NOP9: variants seen among roughly 807,000 people sequenced by gnomAD.
NOP9 encodes the protein NOP9 nucleolar protein, also known as nucleolar protein 9.
In NOP9, 50 loss-of-function variants were observed where a neutral mutation model predicts 63.0. The observed-to-expected ratio is 0.79, with a 90% CI of 0.63 to 1.00. The LOEUF is 1.00. Among genes scored for constraint, NOP9 ranks in the 50% least tolerant of loss-of-function variants. The pLI is 0.00. For missense variants in NOP9, 758 were observed against 803.0 expected (o/e 0.94, Z 0.68); for synonymous variants, 343 against 332.8 (o/e 1.03, Z -0.33).
the NOP9 span, chr14:24,291,574 C>A: frequency 6.2e-7 from 1 of 1,614,266 alleles, no homozygotes; most frequent in Non-Finnish European, 8.5e-7. Flanking sequence ...AAAGCCACCA[C>A]ACATTTGCCA....
At position 24,300,011 on chromosome 14, in the gene NOP9, C is replaced by G. The variant is rs1157673733; in HGVS notation, c.57C>G (p.Gly19=). 3 of 1,600,922 alleles carry G rather than the reference C, an allele frequency of 1.9e-6. No individual in the cohort carries two copies. The highest frequency in any genetic ancestry group is 2.6e-6 in the Non-Finnish European group (3 of 1,173,032). Residue 19 remains glycine, a synonymous_variant, in exon 1 of 10, where the codon GGC becomes GGG. Transcript: ENST00000267425. ...HKVGRRFPAG[G]KRGRGAKGSG... ...TGGGGCGCCGGTTCCCAGCTGGTGGCAAACGGGGGCGCGGGGCCAAGGGGT... is the reference window on the plus strand; with the variant it reads ...TGGGGCGCCGGTTCCCAGCTGGTGGGAAACGGGGGCGCGGGGCCAAGGGGT...
intron 3 of NOP9, 89 bp from the exon 4 acceptor site, chr14:24,301,876 G>A (rs1192949261): frequency 1.4e-6 from 2 of 1,475,580 alleles, no homozygotes; most frequent in Non-Finnish European, 1.9e-6. Context: ...TGTGTCCATA[G>A]TGCCCTGTAT....
rs1476476175 is a variant in NOP9, at chr14:24,300,823, T to A, written c.663T>A (p.Ser221=). 1 of 1,613,940 alleles carries A rather than the reference T, an allele frequency of 6.2e-7. No individual in the cohort carries two copies. The highest frequency in any genetic ancestry group is 2.2e-5 in the East Asian group (1 of 44,886). Residue 221 remains serine (S), a synonymous_variant, in exon 2 of 10, where the codon TCT becomes TCA. Coordinates refer to ENST00000267425, the MANE Select transcript of NOP9 (RefSeq NM_174913.3). The part of the protein sequence containing the change: ...LQVLGGTILE[S]ERARPRGSQS... The stretch of plus-strand genomic sequence containing the variant: ...TGTTAGGAGGGACTATTCTGGAGTC[T>A]GAGAGAGCCAGGCCCCGTGGTTCCC...
Position 24,307,687 on chromosome 14 carries a change from G to A in NOP9, c.*2592G>A, listed in dbSNP as rs2041561892. On this transcript the variant is annotated 3_prime_UTR_variant, in exon 10 of 10. Transcript: ENST00000267425. ...GTGGGGGCGGGTGGCTCAGGAGCTT[G>A]ACAAGCCCACTGTGGAGTGGGGAGC... 7.9e-7 allele frequency: 1 copy of A among 1,269,300 alleles called. No homozygotes were observed. The highest frequency in any genetic ancestry group is 1.3e-5 in the South Asian group (1 of 76,420). 78.6% of individuals were successfully genotyped at this position (1,269,300 alleles called of 1,614,324 possible). A position where few individuals can be genotyped will look rare whatever the true frequency, so the allele number is the denominator to read the frequency against.
chr14:24,299,818 G>A (rs1296947322), upstream of NOP9: 3 of 1,162,050 alleles, frequency 2.6e-6, no homozygotes, highest in East Asian at 2.6e-5. Flanking sequence ...GGGCGGCGCG[G>A]AACTATGACG....
chr14:24,305,887 C>T lies in NOP9; in HGVS notation c.*792C>T, dbSNP rs1480192129. 1.2e-5 allele frequency: 19 copies of T among 1,584,206 alleles called. No homozygotes were observed. The highest frequency in any genetic ancestry group is 1.0e-4 in the South Asian group (9 of 86,464). ...CTAGGGGTAGGTGGGTGCAAGAGGA[C>T]GAATTATGGGGACTATCCAACTGTA... On this transcript the variant is annotated 3_prime_UTR_variant, in exon 10 of 10. Transcript: ENST00000267425.
chr14:24,279,575 C>T, the NOP9 span, among the ~76,000 whole-genome samples: 2 of 152,148 alleles, frequency 1.3e-5, no homozygotes, highest in East Asian at 1.9e-4. Context: ...CTCAGGTTGG[C>T]GTCTCTTGGG....
the NOP9 span, chr14:24,291,355 GA>G: frequency 1.8e-6 from 2 of 1,128,270 alleles, no homozygotes; most frequent in Non-Finnish European, 2.7e-6. Context: ...TTGGGCCTTG[GA>G]CTTTTTCCAC....
At chr14:24,304,408 T>C (rs2041438720) in intron 8 of NOP9, 85 bp from the exon 9 acceptor site, 2 of 1,373,150 alleles carry the variant, frequency 1.5e-6, no homozygotes, top group Non-Finnish European at 2.0e-6. Context: ...GCCCTTAAAC[T>C]CTTCAGAAAA....
the NOP9 span, chr14:24,292,214 C>T: frequency 6.2e-7 from 1 of 1,614,196 alleles, no homozygotes; most frequent in South Asian, 1.1e-5. Context: ...GCAGGACCTC[C>T]TCCTTTGCCA....
chr14:24,301,879 C>A, intron 3 of NOP9, 86 bp from the exon 4 acceptor site: 2 of 1,477,354 alleles, frequency 1.4e-6, no homozygotes, highest in Admixed American at 1.8e-5. Flanking sequence ...GTCCATAGTG[C>A]CCTGTATCTT....
At chr14:24,292,111 A>G in the NOP9 span, 1 of 1,582,466 alleles carries the variant, frequency 6.3e-7, no homozygotes, top group African/African-American at 1.3e-5. Flanking sequence ...GAGTGGGAGT[A>G]TCTGATCTTG....
chr14:24,292,207 G>A, the NOP9 span: 2 of 1,613,992 alleles, frequency 1.2e-6, no homozygotes, highest in African/African-American at 2.7e-5. Context: ...GGATCCTGCA[G>A]GACCTCCTCC....
At chr14:24,274,723 C>T in the NOP9 span, among the ~76,000 whole-genome samples, 1 of 151,874 alleles carries the variant, frequency 6.6e-6, no homozygotes, top group Non-Finnish European at 1.5e-5. Flanking sequence ...ATTCTCCTGC[C>T]TCAGCCTCCT....
Position 24,303,094 on chromosome 14 carries a change from G to C in NOP9, c.1164G>C (p.Glu388Asp), listed in dbSNP as rs1322985668. 3 of 1,565,780 alleles carry C rather than the reference G, an allele frequency of 1.9e-6. No individual in the cohort carries two copies. Among genetic ancestry groups the C allele is most frequent in the Admixed American group, 3.9e-5 (2 of 50,764 alleles). ...TPELLSPVFE[E>D]LSPVLEAVLA... ...ATCAGCTGTCCCCTGTGTTTGAGGA[G>C]CTGAGCCCTGTCTTGGAAGCTGTAT... Residue 388 changes from glutamate to aspartate, a missense_variant, in exon 6 of 10, where the codon GAG becomes GAC. Transcript: ENST00000267425.
rs759124370 is a variant in NOP9, at chr14:24,306,403, G to A, written c.*1308G>A. On this transcript the variant is annotated 3_prime_UTR_variant, in exon 10 of 10. Coordinates refer to ENST00000267425, the MANE Select transcript of NOP9 (RefSeq NM_174913.3). ...GTAGGGCTCCAGCTCTGACCAGACT[G>A]CAACACCATCAGGCACGTGTCATCC... 42 of 1,614,096 alleles carry A rather than the reference G, an allele frequency of 2.6e-5. No individual in the cohort carries two copies. The highest frequency in any genetic ancestry group is 3.4e-5 in the Non-Finnish European group (40 of 1,180,042).
chr14:24,294,606 A>ACAG, the NOP9 span: 1 of 151,974 alleles, frequency 6.6e-6, no homozygotes, highest in Non-Finnish European at 1.5e-5. Flanking sequence ...AACAACAACA[A>ACAG]CAACAACAAC....
chr14:24,307,982 C>T lies in NOP9; in HGVS notation c.*2887C>T. 1.1e-6 allele frequency: 1 copy of T among 878,036 alleles called. No homozygotes were observed. Among genetic ancestry groups the T allele is most frequent in the East Asian group, 2.7e-5 (1 of 37,300 alleles). The allele number at this position is 878,036 out of a possible 1,614,324, so 54.4% of individuals were successfully genotyped here. A position where few individuals can be genotyped will look rare whatever the true frequency, so the allele number is the denominator to read the frequency against. On this transcript the variant is annotated 3_prime_UTR_variant, in exon 10 of 10. Transcript: ENST00000267425. ...AGCCCAGGACAAGGTGGGAATGAGT[C>T]AAGCCTGGACTCTGGCCCCCCTGCC...
chr14:24,302,992 T>C, intron 5 of NOP9, 82 bp from the exon 6 acceptor site: 1 of 1,432,374 alleles, frequency 7.0e-7, no homozygotes, highest in African/African-American at 1.5e-5. Flanking sequence ...CATTTTTAGT[T>C]GTTTTCGTTG....
Sources: gnomAD v4.1 joint callset for allele counts (sites outside exome capture counted in the v4.1 genomes callset) on GRCh38, gnomAD v4.1.1 for gene constraint, MANE v1.5 for transcripts, NCBI Gene and HGNC (gene_info 2026-07-23, HGNC 2026-07-21) for gene names.